Variants in NEURL1B observed in about 807,000 individuals in gnomAD.
NEURL1B encodes E3 ubiquitin-protein ligase NEURL1B.
In NEURL1B, 13 loss-of-function variants were observed where a neutral mutation model predicts 37.4. The observed-to-expected ratio is 0.35, with a 90% CI of 0.23 to 0.55. The LOEUF is 0.55. Ranked by LOEUF, NEURL1B falls within the 20% of genes least tolerant of loss-of-function variation. NEURL1B has a pLI of 0.89. For synonymous variants in NEURL1B, 432 were observed against 426.6 expected, an observed-to-expected ratio of 1.01 and a Z score of -0.16; for missense variants, 790 against 879.2, an observed-to-expected ratio of 0.90 and a Z score of 1.28.
At position 172,686,174 on chromosome 5, in the gene NEURL1B, C is replaced by T; in HGVS notation, c.1301C>T (p.Thr434Ile). 6.4e-7 allele frequency: 1 copy of T among 1,551,552 alleles called. No homozygotes were observed. The highest frequency in any genetic ancestry group is 8.7e-7 in the Non-Finnish European group (1 of 1,146,920). Reference sequence around the variant, plus strand: ...ATGGAATCTCTTTGGGCCTCAGGTACCCTGCAGTCCAGCCCTGCGACCACG... The same window carrying T: ...ATGGAATCTCTTTGGGCCTCAGGTATCCTGCAGTCCAGCCCTGCGACCACG... Reference protein sequence around the residue: ...GVAGQLRLLGTLQSSPATTTP... With the variant: ...GVAGQLRLLGILQSSPATTTP... Residue 434 changes from threonine (T) to isoleucine (I), a missense_variant, in exon 4 of 5, where the codon ACC becomes ATC. Physicochemically the swap from Thr to Ile is moderately conservative, Grantham distance 89. Around this residue, in one of 3 missense-constraint regions of NEURL1B, gnomAD observed 460 missense variants for 407.4 expected, o/e 1.13. Transcript: ENST00000369800. The surrounding 1 kb of genome is among the most constrained non-coding windows in gnomAD (Gnocchi z 7.9).
intron 2 of NEURL1B, among the ~76,000 whole-genome samples, chr5:172,673,072 T>G (rs1302477721): frequency 6.6e-6 from 1 of 152,194 alleles, no homozygotes; most frequent in Non-Finnish European, 1.5e-5. Context: ...ATTGGATACA[T>G]CTGGGTAAAG....
chr5:172,643,658 C>A (rs1757508941), intron 1 of NEURL1B, among the ~76,000 whole-genome samples: 1 of 152,148 alleles, frequency 6.6e-6, no homozygotes, highest in South Asian at 2.1e-4. Flanking sequence ...GGCAAGGGCT[C>A]AAAAACTGGT....
chr5:172,675,171 C>T lies in NEURL1B; in HGVS notation c.577+4841C>T, dbSNP rs1195782480. On this transcript the variant is annotated intron_variant, in intron 2 of 4. Coordinates refer to ENST00000369800, the MANE Select transcript of NEURL1B (RefSeq NM_001142651.3). The surrounding 1 kb of genome is among the most constrained non-coding windows in gnomAD (Gnocchi z 4.7). Reference sequence around the variant, plus strand: ...GGATTACAGGCATGAGCCACCATGCCTGGCCGAATGTATCTTTTAAAAATA... The same window carrying T: ...GGATTACAGGCATGAGCCACCATGCTTGGCCGAATGTATCTTTTAAAAATA... Among the ~76,000 whole-genome samples, 3 of 152,162 alleles carry T rather than the reference C, an allele frequency of 2.0e-5. No homozygotes were observed. The highest frequency in any genetic ancestry group is 7.2e-5 in the African/African-American group (3 of 41,428).
At chr5:172,654,629 A>G (rs1757731098) in intron 1 of NEURL1B, among the ~76,000 whole-genome samples, 2 of 149,308 alleles carry the variant, frequency 1.3e-5, no homozygotes. Flanking sequence ...GTGTGCTCAC[A>G]ATGAGGTTTC....
At chr5:172,656,595 A>C in intron 1 of NEURL1B, 1 of 1,610,878 alleles carries the variant, frequency 6.2e-7, no homozygotes, top group Admixed American at 1.7e-5. Context: ...TAGCTCCTCG[A>C]GTTTCTTCTG....
Position 172,684,906 on chromosome 5 carries a change from A to T in NEURL1B, c.1297+768A>T, listed in dbSNP as rs1272996420. Among the ~76,000 whole-genome samples the T allele has an allele frequency of 2.0e-5, 3 of 152,230 alleles. No homozygotes were observed. In the East Asian group the frequency reaches 5.8e-4, roughly 29 times the overall value. The stretch of plus-strand genomic sequence containing the variant: ...AGGCTTCCCAGAGAGCCTGGCTCCA[A>T]CTTCATGGCTCAAAAAGTAGAGTCC... On this transcript the variant is annotated intron_variant, in intron 3 of 4. Transcript: ENST00000369800.
intron 1 of NEURL1B, among the ~76,000 whole-genome samples, chr5:172,650,607 C>A (rs1757643191): frequency 6.6e-6 from 1 of 152,234 alleles, no homozygotes; most frequent in Non-Finnish European, 1.5e-5. Context: ...CCTCCCTGAG[C>A]TGTGTTATAC....
Position 172,665,700 on chromosome 5 carries a change from A to G in NEURL1B, c.32-4085A>G, listed in dbSNP as rs939222245. 4.7e-5 allele frequency among the ~76,000 whole-genome samples: 7 copies of G among 149,474 alleles called. No homozygotes were observed. Among genetic ancestry groups the G allele is most frequent in the African/African-American group, 1.7e-4 (7 of 40,504 alleles). On this transcript the variant is annotated intron_variant, in intron 1 of 4. Transcript: ENST00000369800. This position sits in a 1 kb window ranked among gnomAD's most constrained non-coding sequence, Gnocchi z 4.1. ...CCGTATCACTTTACCCTCCCCCCAA[A>G]TTCCAGCCTCCCCCTGCCTCTGCCC...
Position 172,683,422 on chromosome 5 carries a change from G to T in NEURL1B, c.581G>T (p.Ser194Ile). 2 of 1,370,828 alleles carry T rather than the reference G, an allele frequency of 1.5e-6. No homozygotes were observed. Among genetic ancestry groups the T allele is most frequent in the Non-Finnish European group, 1.9e-6 (2 of 1,056,016 alleles). 84.9% of individuals were successfully genotyped at this position (1,370,828 alleles called of 1,614,324 possible). A position where few individuals can be genotyped will look rare whatever the true frequency, so the allele number is the denominator to read the frequency against. ...GTCCCTCCCTTTGTCCGCACAGAGA[G>T]CGCCTTCGCTGACACGCTGACGCCC... is the stretch of plus-strand genomic sequence containing the variant. Reference protein sequence around the residue: ...GITDEVQLLESAFADTLTPAR... With the variant: ...GITDEVQLLEIAFADTLTPAR... The change falls in exon 3 of 5, where the codon AGC becomes ATC. Residue 194 changes from serine (S) to isoleucine (I), a missense_variant. Physicochemically the swap from Ser to Ile is moderately radical, Grantham distance 142. This residue lies in a region of NEURL1B where 460 missense variants were observed against 407.4 expected (regional missense o/e 1.13). Coordinates refer to ENST00000369800, the MANE Select transcript of NEURL1B (RefSeq NM_001142651.3). The surrounding 1 kb of genome is among the most constrained non-coding windows in gnomAD (Gnocchi z 5.6).
chr5:172,650,495 ATC>A (rs1757641428), intron 1 of NEURL1B, among the ~76,000 whole-genome samples: 1 of 152,126 alleles, frequency 6.6e-6, no homozygotes, highest in African/African-American at 2.4e-5. Flanking sequence ...TTTCGCTGGA[ATC>A]TCAAGAAAGG....
intron 1 of NEURL1B, among the ~76,000 whole-genome samples, chr5:172,652,219 C>T (rs1423830966): frequency 6.6e-6 from 1 of 152,198 alleles, no homozygotes; most frequent in African/African-American, 2.4e-5. Context: ...GGGGATATAG[C>T]AGAGAGAGAG....
intron 1 of NEURL1B, among the ~76,000 whole-genome samples, chr5:172,667,275 TAAAAAAA>T (rs55663413): frequency 2.8e-5 from 2 of 72,302 alleles, no homozygotes; most frequent in East Asian, 3.4e-4. Context: ...CTGTCTCTAC[TAAAAAAA>T]AAAAAAAAAA....
Position 172,641,586 on chromosome 5 carries a change from C to A in NEURL1B, c.31+149C>A, listed in dbSNP as rs1757460529. 2 of 659,274 alleles carry A rather than the reference C, an allele frequency of 3.0e-6. No homozygotes were observed. The highest frequency in any genetic ancestry group is 7.6e-5 in the South Asian group (1 of 13,098). 40.8% of individuals were successfully genotyped at this position (659,274 alleles called of 1,614,324 possible). A position where few individuals can be genotyped will look rare whatever the true frequency, so the allele number is the denominator to read the frequency against. ...CTCCGGTACCTCCCGGACCTCAGCT[C>A]GGCGCGCGCCCCGCGGCTGGGCTTT... On this transcript the variant is annotated intron_variant, in intron 1 of 4. Coordinates refer to ENST00000369800, the MANE Select transcript of NEURL1B (RefSeq NM_001142651.3). The surrounding 1 kb of genome is among the most constrained non-coding windows in gnomAD (Gnocchi z 6.4).
intron 2 of NEURL1B, among the ~76,000 whole-genome samples, chr5:172,674,732 T>G (rs1000852383): frequency 6.6e-6 from 1 of 152,164 alleles, no homozygotes. Flanking sequence ...GGGAGTCAAG[T>G]TCTTCGGACG....
At position 172,684,118 on chromosome 5, in the gene NEURL1B, C is replaced by A; in HGVS notation, c.1277C>A (p.Ala426Glu). The A allele has an allele frequency of 7.9e-7, 1 of 1,258,306 alleles. No individual in the cohort carries two copies. Among genetic ancestry groups the A allele is most frequent in the South Asian group, 2.7e-5 (1 of 37,174 alleles). The allele number at this position is 1,258,306 out of a possible 1,614,324, so 77.9% of individuals were successfully genotyped here. The change falls in exon 3 of 5, where the codon GCG (alanine) becomes GAG (glutamate). Residue 426 changes from alanine to glutamate, a missense_variant. By Grantham distance (107) the Ala-to-Glu change is moderately radical. Around this residue, in one of 3 missense-constraint regions of NEURL1B, gnomAD observed 460 missense variants for 407.4 expected, o/e 1.13. Transcript: ENST00000369800. ...TTCTTCGCCGTGCGCGGCGGCGTCG[C>A]GGGCCAGCTGCGTCTCCTCGGTGAG... The part of the protein sequence containing the change: ...WAFFAVRGGV[A>E]GQLRLLGTLQ...
rs1168990448 is a variant in NEURL1B, at chr5:172,675,908, A to T, written c.577+5578A>T. On this transcript the variant is annotated intron_variant, in intron 2 of 4. Transcript: ENST00000369800. The surrounding 1 kb of genome is among the most constrained non-coding windows in gnomAD (Gnocchi z 4.7). ...GATACTCAACTTATGTCTCTTTTCTATGGAAGCCCTTTCTGGAGGTCCTCG... is the reference window on the plus strand; with the variant it reads ...GATACTCAACTTATGTCTCTTTTCTTTGGAAGCCCTTTCTGGAGGTCCTCG... Among the ~76,000 whole-genome samples, 1 of 152,070 alleles carries T rather than the reference A, an allele frequency of 6.6e-6. No individual in the cohort carries two copies. The highest frequency in any genetic ancestry group is 1.5e-5 in the Non-Finnish European group (1 of 68,014).
In NEURL1B at chr5:172,690,504, C is replaced by G. The variant is rs1039397553; in HGVS notation, c.*3579C>G. The G allele has an allele frequency of 2.6e-5, 4 of 152,208 alleles. No homozygotes were observed. Among genetic ancestry groups the G allele is most frequent in the South Asian group, 2.1e-4 (1 of 4,830 alleles). The allele number at this position is 152,208 out of a possible 1,614,324, so 9.4% of individuals were successfully genotyped here. A position where few individuals can be genotyped will look rare whatever the true frequency, so the allele number is the denominator to read the frequency against. On this transcript the variant is annotated 3_prime_UTR_variant, in exon 5 of 5. Transcript: ENST00000369800. Reference sequence around the variant, plus strand: ...ACCACATAACGCACACAAAGATACTCCAGAAACATTTGCTGAGTACCTAGT... The same window carrying G: ...ACCACATAACGCACACAAAGATACTGCAGAAACATTTGCTGAGTACCTAGT...
chr5:172,682,392 T>C (rs555722496), intron 2 of NEURL1B, among the ~76,000 whole-genome samples: 1 of 152,252 alleles, frequency 6.6e-6, no homozygotes, highest in East Asian at 1.9e-4. Flanking sequence ...CTGGCCAACA[T>C]GGCAAAGCTC....
In NEURL1B at chr5:172,667,155, C is replaced by A. The variant is rs78125055; in HGVS notation, c.32-2630C>A. Among the ~76,000 whole-genome samples the A allele has an allele frequency of 6.5e-3, 990 of 151,618 alleles. 9 individuals are homozygous for A. Among genetic ancestry groups the A allele is most frequent in the Non-Finnish European group, 0.01 (682 of 67,902 alleles). ...AGTGTCTGTTGTAGAACCAAAAGGC[C>A]AGCTGGGCATGGTGGCTCATTCCTG... On this transcript the variant is annotated intron_variant, in intron 1 of 4. Coordinates refer to ENST00000369800, the MANE Select transcript of NEURL1B (RefSeq NM_001142651.3).
Sources: allele counts gnomAD v4.1 joint callset (sites outside exome capture counted in the v4.1 genomes callset), GRCh38; gene constraint gnomAD v4.1.1; regional missense constraint gnomAD v4.1.1; non-coding constraint Gnocchi (gnomAD v3.1); transcripts MANE v1.5; gene names NCBI Gene and HGNC (gene_info 2026-07-23, HGNC 2026-07-21).